The following GINS2 variants were observed in gnomAD, a reference collection of about 807,000 sequenced individuals.
GINS2 encodes the protein GINS complex subunit 2.
In GINS2, 23 loss-of-function variants were observed where a neutral mutation model predicts 21.2. The ratio of observed to expected loss-of-function variants is 1.08; its 90% CI spans 0.78 to 1.53. The LOEUF (loss-of-function observed/expected upper bound fraction) is 1.53, where lower values mean the gene tolerates loss of function less well. Ranked by LOEUF, GINS2 falls within the 40% of genes most tolerant of loss-of-function variation. GINS2 has a pLI of 0.00. For missense variants in GINS2, 323 were observed against 233.9 expected (o/e 1.38, Z -2.49); for synonymous variants, 118 against 85.6 (o/e 1.38, Z -2.09).
In GINS2 at chr16:85,683,166, T is replaced by TA. The variant is rs552478225; in HGVS notation, c.206-1486dup. On this transcript the variant is annotated intron_variant, in intron 2 of 4. Transcript: ENST00000253462. ...TGATCCTCCCAAACACACTAATAGATATAGCCTTAAAAAGAAGGCCCTCCG... is the reference window on the plus strand; with the variant it reads ...TGATCCTCCCAAACACACTAATAGATAATAGCCTTAAAAAGAAGGCCCTCCG... 1.7e-3 allele frequency among the ~76,000 whole-genome samples: 256 copies of TA among 152,112 alleles called. 1 individual carries two copies. The highest frequency in any genetic ancestry group is 3.5e-3 in the Non-Finnish European group (236 of 67,984).
intron 2 of GINS2, among the ~76,000 whole-genome samples, chr16:85,685,770 G>T (rs1013972114): frequency 6.6e-6 from 1 of 151,462 alleles, no homozygotes; most frequent in Non-Finnish European, 1.5e-5. Context: ...AGGACAGGGA[G>T]CAAGGGGAAG....
At chr16:85,678,379 A>AT (rs762719370) in intron 4 of GINS2, 42 bp from the exon 5 acceptor site, 42 of 1,609,260 alleles carry the variant, frequency 2.6e-5, no homozygotes, top group Non-Finnish European at 3.5e-5. Flanking sequence ...GGAGTTTTTG[A>AT]TTTTGAGAAA....
At position 85,676,695 on chromosome 16, in the gene GINS2, C is replaced by T. The variant is rs2053676391; in HGVS notation, c.*1517G>A. 6.6e-6 allele frequency: 1 copy of T among 152,294 alleles called. No individual in the cohort carries two copies. Among genetic ancestry groups the T allele is most frequent in the Non-Finnish European group, 1.5e-5 (1 of 68,040 alleles). The allele number at this position is 152,294 out of a possible 1,614,324, so 9.4% of individuals were successfully genotyped here. On this transcript the variant is annotated 3_prime_UTR_variant, in exon 5 of 5. Transcript: ENST00000253462. ...CTGCTTTTGGCCCACTGGTGTCCAG[C>T]CAAAAATAGGCTGGCCAGGCATGGC...
chr16:85,681,936 A>G (rs1201468525), intron 2 of GINS2, among the ~76,000 whole-genome samples: 6 of 151,760 alleles, frequency 4.0e-5, no homozygotes, highest in African/African-American at 1.5e-4. Flanking sequence ...AAACAATGTT[A>G]GAGTCAAAAG....
intron 2 of GINS2, among the ~76,000 whole-genome samples, chr16:85,686,846 T>C (rs1002947060): frequency 6.6e-6 from 1 of 152,262 alleles, no homozygotes; most frequent in Non-Finnish European, 1.5e-5. Context: ...CTTCTCAACA[T>C]GCTAATCTAT....
rs953543928 is a variant in GINS2, at chr16:85,676,989, C to G, written c.*1223G>C. 209 of 152,294 alleles carry G rather than the reference C, an allele frequency of 1.4e-3. 2 individuals are homozygous for G. Among genetic ancestry groups the G allele is most frequent in the African/African-American group, 4.8e-3 (199 of 41,532 alleles). 9.4% of individuals were successfully genotyped at this position (152,294 alleles called of 1,614,324 possible). On this transcript the variant is annotated 3_prime_UTR_variant, in exon 5 of 5. Transcript: ENST00000253462. ...AAGCGATTCTCCTGCCTCAGCCTCC[C>G]GAGTAGCTGCGACTATAGGCGTGTG...
At position 85,678,192 on chromosome 16, in the gene GINS2, C is replaced by A; in HGVS notation, c.*20G>T. 6.8e-6 allele frequency: 11 copies of A among 1,610,896 alleles called. No homozygotes were observed. Among genetic ancestry groups the A allele is most frequent in the Non-Finnish European group, 8.5e-6 (10 of 1,178,994 alleles). On this transcript the variant is annotated 3_prime_UTR_variant, in exon 5 of 5. Transcript: ENST00000253462. The stretch of plus-strand genomic sequence containing the variant: ...TGAGCGCTCACATCCCCCAGCAAGC[C>A]GCCTGCACCAGGCCTTTCTCTAGAA...
intron 2 of GINS2, among the ~76,000 whole-genome samples, chr16:85,683,139 C>CT (rs1308279000): frequency 6.6e-6 from 1 of 152,054 alleles, no homozygotes; most frequent in Non-Finnish European, 1.5e-5. Flanking sequence ...CCCCTCCTTG[C>CT]TTGATCCTCC....
chr16:85,686,473 A>G (rs768800539), intron 2 of GINS2, among the ~76,000 whole-genome samples: 1 of 152,220 alleles, frequency 6.6e-6, no homozygotes, highest in African/African-American at 2.4e-5. Flanking sequence ...ATTAAAAACA[A>G]AGTGTACAAG....
intron 2 of GINS2, among the ~76,000 whole-genome samples, chr16:85,686,692 C>T (rs1598763364): frequency 6.6e-6 from 1 of 152,208 alleles, no homozygotes; most frequent in African/African-American, 2.4e-5. Flanking sequence ...GCCTTTTGTG[C>T]CTGGTTTCTT....
At chr16:85,680,096 G>C (rs1163065577) in intron 3 of GINS2, among the ~76,000 whole-genome samples, 3 of 152,182 alleles carry the variant, frequency 2.0e-5, no homozygotes, top group South Asian at 2.1e-4. Flanking sequence ...ACTGTCAAGA[G>C]CATTGGTCAC....
At chr16:85,679,627 G>A (rs945567947) in intron 3 of GINS2, among the ~76,000 whole-genome samples, 5 of 152,186 alleles carry the variant, frequency 3.3e-5, no homozygotes, top group Admixed American at 6.5e-5. Flanking sequence ...TAGAACAAAC[G>A]TAAAATTAAG....
intron 2 of GINS2, among the ~76,000 whole-genome samples, 199 bp from the exon 3 acceptor site, chr16:85,681,880 A>T (rs1460603558): frequency 6.6e-6 from 1 of 152,202 alleles, no homozygotes; most frequent in Non-Finnish European, 1.5e-5. Flanking sequence ...CTCCAAAAGA[A>T]AGGTAAATTT....
intron 2 of GINS2, among the ~76,000 whole-genome samples, chr16:85,683,855 G>T (rs1296683380): frequency 2.0e-5 from 3 of 152,214 alleles, no homozygotes; most frequent in African/African-American, 7.2e-5. Flanking sequence ...TTTTTGGCCA[G>T]GACATGGAAC....
rs760249594 is a variant in GINS2, at chr16:85,678,349, A to C, written c.433-12T>G. On this transcript the variant is annotated splice_polypyrimidine_tract_variant and intron_variant, in intron 4 of 4. Coordinates refer to ENST00000253462, the MANE Select transcript of GINS2 (RefSeq NM_016095.3). ...GTCAAGTTATCCAGCTAAAGCAAGA[A>C]AACAGACCAAGTTGGCCAAGGAGTT... is the stretch of plus-strand genomic sequence containing the variant. 2 of 1,613,568 alleles carry C rather than the reference A, an allele frequency of 1.2e-6. No individual in the cohort carries two copies. The highest frequency in any genetic ancestry group is 3.3e-5 in the Admixed American group (2 of 59,954).
In GINS2 at chr16:85,678,332, AT is replaced by A. The variant is rs1344756677; in HGVS notation, c.437del (p.Asp146ValfsTer3). On this transcript the variant is annotated frameshift_variant, in exon 5 of 5. Coordinates refer to ENST00000253462, the MANE Select transcript of GINS2 (RefSeq NM_016095.3). LOFTEE classifies it high-confidence loss of function. ...VRQQEAHAKL[D>X]NLTLMEINTS... ...TGTTGATCTCCATCAAGGTCAAGTT[AT>A]CCAGCTAAAGCAAGAAAACAGACCA... The A allele has an allele frequency of 1.9e-6, 3 of 1,614,024 alleles. No homozygotes were observed. The highest frequency in any genetic ancestry group is 2.5e-6 in the Non-Finnish European group (3 of 1,179,920).
chr16:85,681,747 T>G (rs2053735300), intron 2 of GINS2, 66 bp from the exon 3 acceptor site: 1 of 955,526 alleles, frequency 1.0e-6, no homozygotes, highest in Admixed American at 2.1e-5. Flanking sequence ...ACCTTCCAAA[T>G]TTACCAAGTG....
Position 85,678,137 on chromosome 16 carries a change from C to T in GINS2, c.*75G>A. 2 of 1,353,124 alleles carry T rather than the reference C, an allele frequency of 1.5e-6. 1 individual carries two copies. Among genetic ancestry groups the T allele is most frequent in the South Asian group, 2.5e-5 (2 of 79,710 alleles). The allele number at this position is 1,353,124 out of a possible 1,614,324, so 83.8% of individuals were successfully genotyped here. Reference sequence around the variant, plus strand: ...TCATGCATCAGAAGTGTTTCTAGAGCTCCAGAACCACGAGTACCTCATCAC... The same window carrying T: ...TCATGCATCAGAAGTGTTTCTAGAGTTCCAGAACCACGAGTACCTCATCAC... On this transcript the variant is annotated 3_prime_UTR_variant, in exon 5 of 5. Coordinates refer to ENST00000253462, the MANE Select transcript of GINS2 (RefSeq NM_016095.3).
intron 3 of GINS2, among the ~76,000 whole-genome samples, chr16:85,680,989 G>A (rs997648391): frequency 2.0e-5 from 3 of 152,242 alleles, no homozygotes; most frequent in African/African-American, 7.2e-5. Flanking sequence ...AGGCCCCTCT[G>A]GCTGAGATGT....
Sources: gnomAD v4.1 joint callset for allele counts (sites outside exome capture counted in the v4.1 genomes callset) on GRCh38, gnomAD v4.1.1 for gene constraint, MANE v1.5 for transcripts, NCBI Gene and HGNC (gene_info 2026-07-23, HGNC 2026-07-21) for gene names.